LRP8: variants seen among roughly 807,000 people sequenced by gnomAD.
The protein encoded by LRP8 is low-density lipoprotein receptor-related protein 8.
LRP8 carries 46 observed loss-of-function variants against 111.6 expected under a neutral mutation model. That is an observed-to-expected ratio of 0.41 (90% CI 0.33 to 0.53). The LOEUF (loss-of-function observed/expected upper bound fraction) is 0.53, where lower values mean the gene tolerates loss of function less well. Among genes scored for constraint, LRP8 ranks in the 20% least tolerant of loss-of-function variants. The pLI, the probability that LRP8 is intolerant of heterozygous loss-of-function variation, is 0.20. For synonymous variants in LRP8, 464 were observed against 511.2 expected, an observed-to-expected ratio of 0.91 and a Z score of 1.24; for missense variants, 959 against 1,297.4, an observed-to-expected ratio of 0.74 and a Z score of 4.01.
At chr1:53,299,850 C>A (rs1650470784) in intron 2 of LRP8, among the ~76,000 whole-genome samples, 1 of 152,254 alleles carries the variant, frequency 6.6e-6, no homozygotes, top group African/African-American at 2.4e-5. Context: ...TCTCTTCTTT[C>A]ATGGCATGGT....
At chr1:53,314,691 C>A (rs1044655380) in intron 2 of LRP8, among the ~76,000 whole-genome samples, 2 of 152,174 alleles carry the variant, frequency 1.3e-5, no homozygotes, top group Middle Eastern at 3.2e-3. Context: ...GCCCAGTCCC[C>A]GGACGCATTG....
chr1:53,275,701 G>A lies in LRP8; in HGVS notation c.936C>T (p.Val312=). The A allele has an allele frequency of 6.2e-7, 1 of 1,614,072 alleles. No homozygotes were observed. Among genetic ancestry groups the A allele is most frequent in the Admixed American group, 1.7e-5 (1 of 60,016 alleles). ...CCTGGTTGCAGTGCTTGATTGCAAGGACACATGTCCCATCCCCACACTGGA... is the reference window on the plus strand; with the variant it reads ...CCTGGTTGCAGTGCTTGATTGCAAGAACACATGTCCCATCCCCACACTGGA... The part of the protein sequence containing the change: ...DEFQCGDGTC[V]LAIKHCNQEQ... Residue 312 remains valine (V), a synonymous_variant, in exon 6 of 19, where the codon GTC becomes GTT. Transcript: ENST00000306052. The surrounding 1 kb of genome is among the most constrained non-coding windows in gnomAD (Gnocchi z 4.4).
intron 10 of LRP8, 111 bp downstream of exon 10, chr1:53,264,058 G>A: frequency 9.6e-7 from 1 of 1,036,286 alleles, no homozygotes; most frequent in Non-Finnish European, 1.4e-6. Context: ...CCCATGGCCT[G>A]TGTCTGAGTG....
In LRP8 at chr1:53,317,848, C is replaced by T. The variant is rs956665659; in HGVS notation, c.244+9025G>A. Among the ~76,000 whole-genome samples, 3 of 152,184 alleles carry T rather than the reference C, an allele frequency of 2.0e-5. No homozygotes were observed. The highest frequency in any genetic ancestry group is 2.4e-5 in the African/African-American group (1 of 41,428). On this transcript the variant is annotated intron_variant, in intron 2 of 18. Coordinates refer to ENST00000306052, the MANE Select transcript of LRP8 (RefSeq NM_004631.5). This position sits in a 1 kb window ranked among gnomAD's most constrained non-coding sequence, Gnocchi z 4.9. ...GAAGAAGGCAGAAGGGAAAGTCACC[C>T]AAGGAACCTGGGCCTCAGGGTGGAG...
At chr1:53,327,559 G>A (rs1187509786) in intron 1 of LRP8, among the ~76,000 whole-genome samples, 1 of 152,192 alleles carries the variant, frequency 6.6e-6, no homozygotes, top group African/African-American at 2.4e-5. Flanking sequence ...AAGCCCCCCT[G>A]CACCCCTCCC....
At position 53,258,435 on chromosome 1, in the gene LRP8, C is replaced by T. The variant is rs752807227; in HGVS notation, c.2093G>A (p.Gly698Glu). 6.2e-6 allele frequency: 10 copies of T among 1,613,968 alleles called. No homozygotes were observed. Among genetic ancestry groups the T allele is most frequent in the Admixed American group, 5.0e-5 (3 of 60,000 alleles). ...AGGAAGGCACAGGTATTCACAGCCTCCATTAGGCTGGACACTCAGCTCACA... is the reference window on the plus strand; with the variant it reads ...AGGAAGGCACAGGTATTCACAGCCTTCATTAGGCTGGACACTCAGCTCACA... Reference protein sequence around the residue: ...DACELSVQPNGGCEYLCLPAP... With the variant: ...DACELSVQPNEGCEYLCLPAP... Residue 698 changes from glycine (G) to glutamate (E), a missense_variant, in exon 14 of 19, where the codon GGA (glycine) becomes GAA (glutamate). By Grantham distance (98) the Gly-to-Glu change is moderately conservative. Coordinates refer to ENST00000306052, the MANE Select transcript of LRP8 (RefSeq NM_004631.5).
intron 16 of LRP8, among the ~76,000 whole-genome samples, chr1:53,251,617 G>T (rs1645898177): frequency 6.7e-6 from 1 of 149,828 alleles, no homozygotes; most frequent in Non-Finnish European, 1.5e-5. Context: ...CTATGGAAGG[G>T]GTTTCTGTTT....
At chr1:53,306,528 T>G (rs1351425685) in intron 2 of LRP8, among the ~76,000 whole-genome samples, 3 of 152,208 alleles carry the variant, frequency 2.0e-5, no homozygotes, top group African/African-American at 7.2e-5. Flanking sequence ...CTGCGTGGCT[T>G]TGAGTAAGCC....
chr1:53,287,367 C>T (rs1050249385), intron 3 of LRP8, among the ~76,000 whole-genome samples: 4 of 152,222 alleles, frequency 2.6e-5, no homozygotes, highest in African/African-American at 9.6e-5. Flanking sequence ...ATGGCTCTTG[C>T]ACCCCAGCTA....
intron 2 of LRP8, among the ~76,000 whole-genome samples, chr1:53,309,461 TGA>T (rs1018617405): frequency 6.6e-6 from 1 of 151,972 alleles, no homozygotes; most frequent in African/African-American, 2.4e-5. Context: ...ACCAAGACAC[TGA>T]GAGGGGAGGT....
chr1:53,262,258 C>T lies in LRP8; in HGVS notation c.1775-51G>A. On this transcript the variant is annotated intron_variant, in intron 11 of 18. Transcript: ENST00000306052. The surrounding 1 kb of genome is among the most constrained non-coding windows in gnomAD (Gnocchi z 4.8). ...ATGAACCTGGGACCCCAGTCTGGAGCTCTGTTCCTTTGTACCTCTCCCTGC... is the reference window on the plus strand; with the variant it reads ...ATGAACCTGGGACCCCAGTCTGGAGTTCTGTTCCTTTGTACCTCTCCCTGC... 1 of 1,608,036 alleles carries T rather than the reference C, an allele frequency of 6.2e-7. No individual in the cohort carries two copies. Among genetic ancestry groups the T allele is most frequent in the Non-Finnish European group, 8.5e-7 (1 of 1,177,348 alleles).
At chr1:53,296,837 G>A (rs192735525) in intron 2 of LRP8, among the ~76,000 whole-genome samples, 262 of 152,338 alleles carry the variant, frequency 1.7e-3, no homozygotes, top group South Asian at 5.0e-3. Flanking sequence ...GGCTGTGGCG[G>A]GTCCTGGCAT....
intron 9 of LRP8, among the ~76,000 whole-genome samples, chr1:53,265,838 G>GGCCC (rs1313064599): frequency 6.6e-6 from 1 of 152,192 alleles, no homozygotes; most frequent in East Asian, 1.9e-4. Context: ...GCCTGAAGAG[G>GGCCC]GCCCAGACAT....
chr1:53,297,054 C>T (rs538963752), intron 2 of LRP8, among the ~76,000 whole-genome samples: 8 of 151,156 alleles, frequency 5.3e-5, no homozygotes, highest in Non-Finnish European at 1.0e-4. Context: ...GATCTGGGGT[C>T]CAGCAGCAAT....
intron 2 of LRP8, among the ~76,000 whole-genome samples, chr1:53,309,206 C>T (rs555781649): frequency 6.6e-5 from 10 of 152,192 alleles, no homozygotes; most frequent in African/African-American, 2.2e-4. Context: ...ACTCAGGAGG[C>T]GGAGGTTGCA....
Position 53,249,443 on chromosome 1 carries a change from T to C in LRP8, c.2790A>G (p.Pro930=), listed in dbSNP as rs1481611377. The C allele has an allele frequency of 1.5e-5, 24 of 1,614,090 alleles. No individual in the cohort carries two copies. Among genetic ancestry groups the C allele is most frequent in the Non-Finnish European group, 2.0e-5 (24 of 1,180,050 alleles). Residue 930 remains proline, a synonymous_variant, in exon 18 of 19, where the codon CCA becomes CCG. Coordinates refer to ENST00000306052, the MANE Select transcript of LRP8 (RefSeq NM_004631.5). The surrounding 1 kb of genome is among the most constrained non-coding windows in gnomAD (Gnocchi z 4.1). ...LKELFVLPGE[P]RSQLHQLPKN... ...TCGGGAGTTGGTGCAGCTGTGACCT[T>C]GGTTCCCCCGGCAAGACAAAAAGCT...
intron 2 of LRP8, among the ~76,000 whole-genome samples, 173 bp from the exon 3 acceptor site, chr1:53,289,862 C>CA (rs1452938315): frequency 6.6e-6 from 1 of 152,200 alleles, no homozygotes; most frequent in Non-Finnish European, 1.5e-5. Flanking sequence ...TGCGTGAAGA[C>CA]AGGTGACATT....
chr1:53,258,361 C>G lies in LRP8; in HGVS notation c.2167G>C (p.Asp723His). Residue 723 changes from aspartate (D) to histidine (H), a missense_variant, in exon 14 of 19, where the codon GAC becomes CAC. Physicochemically the swap from Asp to His is moderately conservative, Grantham distance 81. Coordinates refer to ENST00000306052, the MANE Select transcript of LRP8 (RefSeq NM_004631.5). ...HSPKYTCACP[D>H]TMWLGPDMKR... ...ATGTCTGGACCCAGCCACATTGTGT[C>G]AGGACAGGCACATGTGTACTTGGGA... 6.2e-7 allele frequency: 1 copy of G among 1,614,142 alleles called. No individual in the cohort carries two copies. The highest frequency in any genetic ancestry group is 8.5e-7 in the Non-Finnish European group (1 of 1,180,006).
At chr1:53,312,689 G>A (rs1653224568) in intron 2 of LRP8, among the ~76,000 whole-genome samples, 1 of 152,056 alleles carries the variant, frequency 6.6e-6, no homozygotes, top group South Asian at 2.1e-4. Flanking sequence ...AGTGAGCCGT[G>A]CCCAGCTAGC....
Sources: gnomAD v4.1 joint callset for allele counts (sites outside exome capture counted in the v4.1 genomes callset) on GRCh38, gnomAD v4.1.1 for gene constraint, Gnocchi (gnomAD v3.1) non-coding constraint, MANE v1.5 for transcripts, NCBI Gene and HGNC (gene_info 2026-07-23, HGNC 2026-07-21) for gene names.